The following NLGN1 variants were observed in gnomAD, a reference collection of about 807,000 sequenced individuals.
The protein encoded by NLGN1 is neuroligin 1.
A neutral mutation model predicts 65.5 loss-of-function variants in NLGN1; 12 were observed. The observed-to-expected ratio is 0.18, with a 90% confidence interval of 0.12 to 0.30. The LOEUF (loss-of-function observed/expected upper bound fraction) is 0.30, where lower values mean the gene tolerates loss of function less well. Ranked by LOEUF, NLGN1 falls within the 10% of genes least tolerant of loss-of-function variation. The probability of loss-of-function intolerance (pLI) is 1.00; values close to 1 mark genes in which losing one functional copy is unlikely to be tolerated. For missense variants in NLGN1, 750 were observed against 1,007.1 expected (o/e 0.74, Z 3.46); for synonymous variants, 350 against 359.5 (o/e 0.97, Z 0.30).
At chr3:173,819,808 A>G (rs969913965) in intron 4 of NLGN1, among the ~76,000 whole-genome samples, 2 of 152,222 alleles carry the variant, frequency 1.3e-5, no homozygotes, top group African/African-American at 4.8e-5. Context: ...TGCATACGTA[A>G]TCAAAAGTCA....
chr3:173,728,157 T>A (rs947704612), intron 3 of NLGN1, among the ~76,000 whole-genome samples: 5 of 151,992 alleles, frequency 3.3e-5, no homozygotes, highest in Non-Finnish European at 7.4e-5. Context: ...TAAGGTTGGG[T>A]AGAATTCGAA....
chr3:174,168,606 A>T (rs1455420938), intron 4 of NLGN1, among the ~76,000 whole-genome samples: 1 of 152,132 alleles, frequency 6.6e-6, no homozygotes, highest in African/African-American at 2.4e-5. Context: ...GGCTGCAGCC[A>T]ATGTGACTGG....
At chr3:173,845,286 A>G (rs1298480839) in intron 4 of NLGN1, among the ~76,000 whole-genome samples, 5 of 152,198 alleles carry the variant, frequency 3.3e-5, no homozygotes, top group East Asian at 1.9e-4. Flanking sequence ...TTATTACACA[A>G]TTAATACATA....
At chr3:173,860,612 G>A (rs1222411468) in intron 4 of NLGN1, among the ~76,000 whole-genome samples, 2 of 152,170 alleles carry the variant, frequency 1.3e-5, no homozygotes, top group South Asian at 2.1e-4. Flanking sequence ...TTAAAAGAGC[G>A]AAGAAATTGC....
At chr3:173,467,525 T>C (rs1430472227) in intron 2 of NLGN1, among the ~76,000 whole-genome samples, 1 of 152,142 alleles carries the variant, frequency 6.6e-6, no homozygotes. Flanking sequence ...ATTAATACTT[T>C]CACTAGAAAT....
intron 4 of NLGN1, among the ~76,000 whole-genome samples, chr3:174,161,992 C>A (rs1726630833): frequency 6.6e-6 from 1 of 151,746 alleles, no homozygotes; most frequent in Non-Finnish European, 1.5e-5. Flanking sequence ...CATGGATGGT[C>A]CAAATCCCAT....
chr3:174,170,265 C>T (rs1728271001), intron 4 of NLGN1, among the ~76,000 whole-genome samples: 1 of 151,078 alleles, frequency 6.6e-6, no homozygotes, highest in African/African-American at 2.4e-5. Context: ...GTCCATCAAA[C>T]ATTTCCCACC....
intron 4 of NLGN1, among the ~76,000 whole-genome samples, chr3:173,832,337 C>G (rs866492320): frequency 6.6e-6 from 1 of 152,178 alleles, no homozygotes; most frequent in South Asian, 2.1e-4. Context: ...TCTTCCAATG[C>G]GTATCTACTA....
chr3:173,774,227 C>T (rs1353414627), intron 3 of NLGN1, among the ~76,000 whole-genome samples: 1 of 152,170 alleles, frequency 6.6e-6, no homozygotes, highest in Non-Finnish European at 1.5e-5. Flanking sequence ...TATCAGGCTA[C>T]TGAGAGAGCC....
At chr3:174,226,751 A>T (rs1396601864) in intron 4 of NLGN1, among the ~76,000 whole-genome samples, 2 of 151,910 alleles carry the variant, frequency 1.3e-5, no homozygotes, top group Non-Finnish European at 2.9e-5. Context: ...ATAACACTAA[A>T]TTTTTTTTAA....
intron 2 of NLGN1, among the ~76,000 whole-genome samples, chr3:173,578,504 G>C (rs956578008): frequency 1.3e-5 from 2 of 152,002 alleles, no homozygotes; most frequent in East Asian, 1.9e-4. Context: ...TTTCCATCTC[G>C]AACTATAGAA....
chr3:174,246,993 G>A (rs917527785), intron 4 of NLGN1, among the ~76,000 whole-genome samples: 1 of 152,106 alleles, frequency 6.6e-6, no homozygotes, highest in African/African-American at 2.4e-5. Flanking sequence ...TAGACATACA[G>A]AGCAAAACAA....
chr3:174,219,931 C>A (rs936410619), intron 4 of NLGN1, among the ~76,000 whole-genome samples: 2 of 152,028 alleles, frequency 1.3e-5, no homozygotes, highest in Non-Finnish European at 2.9e-5. Context: ...AGAAGAGCAG[C>A]CAGCAGGTGT....
intron 3 of NLGN1, among the ~76,000 whole-genome samples, chr3:173,796,182 A>T (rs1236277400): frequency 6.6e-6 from 1 of 152,138 alleles, no homozygotes; most frequent in East Asian, 1.9e-4. Context: ...ATCAGTTCTA[A>T]TGTATTTGAG....
At chr3:173,791,739 A>C (rs1228581270) in intron 3 of NLGN1, among the ~76,000 whole-genome samples, 1 of 152,078 alleles carries the variant, frequency 6.6e-6, no homozygotes, top group Non-Finnish European at 1.5e-5. Context: ...CTTTATTGCT[A>C]TGTGACTTAT....
downstream of NLGN1, among the ~76,000 whole-genome samples, chr3:174,290,821 C>G (rs2152904532): frequency 6.6e-6 from 1 of 150,392 alleles, no homozygotes; most frequent in Middle Eastern, 3.4e-3. Flanking sequence ...AAGGAGAGGA[C>G]TGAAAAATAT....
intron 4 of NLGN1, among the ~76,000 whole-genome samples, chr3:174,274,243 T>TATTAA (rs1454858272): frequency 6.6e-6 from 1 of 151,808 alleles, no homozygotes; most frequent in African/African-American, 2.4e-5. Context: ...TTTTCATTTA[T>TATTAA]ATTAAATGCA....
chr3:174,222,897 A>G (rs1052746639), intron 4 of NLGN1, among the ~76,000 whole-genome samples: 1 of 152,194 alleles, frequency 6.6e-6, no homozygotes, highest in African/African-American at 2.4e-5. Context: ...GTTTGAAAAT[A>G]TAACTTTTTT....
chr3:173,588,832 TTTA>T lies in NLGN1; in HGVS notation c.-320-15441_-320-15439del, dbSNP rs558424983. ...CTCATAAAACGTTCAAGTCCCCATATTTATTATTTAATTTTCTTCCTATATATA... is the reference window on the plus strand; with the variant it reads ...CTCATAAAACGTTCAAGTCCCCATATTTATTTAATTTTCTTCCTATATATA... On this transcript the variant is annotated intron_variant, in intron 2 of 6. Coordinates refer to ENST00000457714, the Ensembl canonical transcript of NLGN1. Among the ~76,000 whole-genome samples, 597 of 152,302 alleles carry T rather than the reference TTTA, an allele frequency of 3.9e-3. 1 individual carries two copies. The highest frequency in any genetic ancestry group is 0.014 in the African/African-American group (581 of 41,578).
Sources: allele counts gnomAD v4.1 joint callset (sites outside exome capture counted in the v4.1 genomes callset), GRCh38; gene constraint gnomAD v4.1.1; transcripts MANE v1.5; gene names NCBI Gene and HGNC (gene_info 2026-07-23, HGNC 2026-07-21).